ANO6: variants seen among roughly 807,000 people sequenced by gnomAD.
ANO6 encodes the protein anoctamin-6.
In ANO6, 106 loss-of-function variants were observed where a neutral mutation model predicts 117.5. That is an observed-to-expected ratio of 0.90 (90% CI 0.77 to 1.06). The LOEUF (loss-of-function observed/expected upper bound fraction) is 1.06. Among genes scored for constraint, ANO6 ranks in the 50% least tolerant of loss-of-function variants. The probability of loss-of-function intolerance (pLI) is 0.00; values close to 1 mark genes in which losing one functional copy is unlikely to be tolerated. For synonymous variants in ANO6, 367 were observed against 385.1 expected (o/e 0.95, Z 0.55); for missense variants, 955 against 1,121.1 (o/e 0.85, Z 2.12).
Position 45,348,283 on chromosome 12 carries a change from G to T in ANO6, c.601G>T (p.Ala201Ser), listed in dbSNP as rs1294527471. ...MNDFYIVDRDAFFNPATRSRI... is the reference protein window; with the variant it reads ...MNDFYIVDRDSFFNPATRSRI... ...TGATTTTTACATAGTTGATAGAGAT[G>T]CTTTCTTCAATCCAGCCACCAGAAG... Residue 201 changes from alanine (A) to serine (S), a missense_variant, in exon 5 of 20, where the codon GCT becomes TCT. Transcript: ENST00000320560. The T allele has an allele frequency of 6.2e-7, 1 of 1,614,042 alleles. No homozygotes were observed. Among genetic ancestry groups the T allele is most frequent in the Admixed American group, 1.7e-5 (1 of 60,006 alleles).
chr12:45,287,078 A>G (rs1269556367), intron 1 of ANO6, among the ~76,000 whole-genome samples: 1 of 152,208 alleles, frequency 6.6e-6, no homozygotes, highest in East Asian at 1.9e-4. Flanking sequence ...CTCTACTCTT[A>G]TGGAACTTAC....
At chr12:45,408,710 C>T (rs12809717) in intron 15 of ANO6, among the ~76,000 whole-genome samples, 1 of 151,862 alleles carries the variant, frequency 6.6e-6, no homozygotes, top group Non-Finnish European at 1.5e-5. Context: ...CATTTCCCTC[C>T]GAGGAAAAAA....
At chr12:45,409,634 T>C in intron 16 of ANO6, 147 bp downstream of exon 16, 1 of 991,160 alleles carries the variant, frequency 1.0e-6, no homozygotes. Context: ...AATTATACAA[T>C]CCAGCTTTCA....
At chr12:45,396,495 T>C (rs1031515089) in intron 12 of ANO6, among the ~76,000 whole-genome samples, 5 of 151,962 alleles carry the variant, frequency 3.3e-5, no homozygotes, top group African/African-American at 1.2e-4. Context: ...AAAACTAAAG[T>C]TCATATGGAA....
intron 1 of ANO6, among the ~76,000 whole-genome samples, chr12:45,282,295 A>G (rs1034817959): frequency 2.6e-5 from 4 of 152,190 alleles, no homozygotes; most frequent in Non-Finnish European, 5.9e-5. Context: ...GCTGAAATAG[A>G]GCAATGCATT....
intron 10 of ANO6, among the ~76,000 whole-genome samples, chr12:45,387,882 C>T (rs926015435): frequency 3.6e-4 from 55 of 152,082 alleles, no homozygotes; most frequent in African/African-American, 1.1e-3. Context: ...AAAGCTGTGG[C>T]ACTTTCCTCC....
At chr12:45,391,957 G>A (rs547639065) in intron 12 of ANO6, among the ~76,000 whole-genome samples, 57 of 152,206 alleles carry the variant, frequency 3.7e-4, no homozygotes, top group Admixed American at 5.9e-4. Context: ...GGTAATTTCT[G>A]CATTTCCAAC....
At chr12:45,379,258 A>G (rs1041019385) in intron 10 of ANO6, among the ~76,000 whole-genome samples, 30 of 152,346 alleles carry the variant, frequency 2.0e-4, no homozygotes, top group African/African-American at 5.8e-4. Context: ...TTTGGTAGTG[A>G]TTGTGCCTAT....
At chr12:45,351,896 G>T (rs1941289798) in intron 7 of ANO6, among the ~76,000 whole-genome samples, 1 of 152,250 alleles carries the variant, frequency 6.6e-6, no homozygotes, top group Non-Finnish European at 1.5e-5. Flanking sequence ...ATAATGTGGA[G>T]AATGGATTAT....
At chr12:45,428,935 G>A (rs1454687094) in intron 19 of ANO6, among the ~76,000 whole-genome samples, 170 bp from the exon 20 acceptor site, 1 of 152,120 alleles carries the variant, frequency 6.6e-6, no homozygotes, top group Non-Finnish European at 1.5e-5. Context: ...AACAGTAACT[G>A]CTAGAGCCAC....
chr12:45,235,927 C>T (rs1947638143), intron 1 of ANO6, among the ~76,000 whole-genome samples: 1 of 152,198 alleles, frequency 6.6e-6, no homozygotes, highest in Non-Finnish European at 1.5e-5. Context: ...ACCCTTGGGG[C>T]AAGTTCTTCC....
intron 2 of ANO6, among the ~76,000 whole-genome samples, chr12:45,309,437 A>C (rs1565679759): frequency 6.6e-6 from 1 of 152,140 alleles, no homozygotes; most frequent in Non-Finnish European, 1.5e-5. Flanking sequence ...ACTTGGGAAA[A>C]GAACATTAAT....
intron 1 of ANO6, among the ~76,000 whole-genome samples, chr12:45,232,554 T>G (rs1947588184): frequency 6.6e-6 from 1 of 152,200 alleles, no homozygotes; most frequent in Non-Finnish European, 1.5e-5. Context: ...GGCCTTAGAT[T>G]ATCAACTCTT....
intron 1 of ANO6, among the ~76,000 whole-genome samples, chr12:45,283,700 C>T (rs546594869): frequency 3.9e-5 from 6 of 152,148 alleles, no homozygotes; most frequent in Non-Finnish European, 8.8e-5. Context: ...TTAGTGAACC[C>T]AGTAGGTAAA....
At chr12:45,388,078 G>C (rs1242118740) in intron 10 of ANO6, 83 bp from the exon 11 acceptor site, 1 of 1,550,256 alleles carries the variant, frequency 6.5e-7, no homozygotes, top group Non-Finnish European at 8.9e-7. Flanking sequence ...CAGTACAATG[G>C]ATAATTAATA....
chr12:45,378,004 C>G, intron 9 of ANO6, 49 bp from the exon 10 acceptor site: 1 of 1,520,968 alleles, frequency 6.6e-7, no homozygotes, highest in African/African-American at 1.4e-5. Context: ...TTACTGAATC[C>G]TAATAAGTGG....
chr12:45,363,450 G>A (rs2137494282), intron 8 of ANO6, among the ~76,000 whole-genome samples: 1 of 152,086 alleles, frequency 6.6e-6, no homozygotes, highest in South Asian at 2.1e-4. Flanking sequence ...TGTGGTCCCA[G>A]CTACTTGGGA....
chr12:45,260,036 G>A (rs1235827327), intron 1 of ANO6, among the ~76,000 whole-genome samples: 1 of 152,172 alleles, frequency 6.6e-6, no homozygotes, highest in African/African-American at 2.4e-5. Flanking sequence ...TAATAACCTT[G>A]TATATACTTT....
At chr12:45,308,073 G>A (rs201422771) in intron 2 of ANO6, among the ~76,000 whole-genome samples, 18 of 6,646 alleles carry the variant, frequency 2.7e-3, no homozygotes, top group African/African-American at 7.4e-3. Flanking sequence ...TTTTTTTTTT[G>A]CCAAGCAAGA....
Sources: gnomAD v4.1 joint callset for allele counts (sites outside exome capture counted in the v4.1 genomes callset) on GRCh38, gnomAD v4.1.1 for gene constraint, MANE v1.5 for transcripts, NCBI Gene and HGNC (gene_info 2026-07-23, HGNC 2026-07-21) for gene names.